The following POU2AF2 variants were observed in gnomAD, a reference collection of about 807,000 sequenced individuals.
POU2AF2 encodes POU class 2 homeobox associating factor 2.
At chr11:111,283,383 TC>T in the POU2AF2 span, among the ~76,000 whole-genome samples, 1 of 151,602 alleles carries the variant, frequency 6.6e-6, no homozygotes, top group African/African-American at 2.4e-5. Flanking sequence ...GGCACTGTCT[TC>T]CTAAACGTGC....
At chr11:111,281,530 C>T in the POU2AF2 span, 12 of 1,348,796 alleles carry the variant, frequency 8.9e-6, no homozygotes, top group African/African-American at 5.9e-5. Flanking sequence ...CCTTACAACA[C>T]TTCCAAAACT....
At chr11:111,246,177 T>C in the POU2AF2 span, among the ~76,000 whole-genome samples, 1 of 152,236 alleles carries the variant, frequency 6.6e-6, no homozygotes, top group Non-Finnish European at 1.5e-5. Context: ...CAAAGCCTTC[T>C]TTTCCAATAT....
At chr11:111,255,558 G>A in the POU2AF2 span, among the ~76,000 whole-genome samples, 1 of 152,168 alleles carries the variant, frequency 6.6e-6, no homozygotes, top group Non-Finnish European at 1.5e-5. Context: ...CTCCCATCAG[G>A]TATAATAGGG....
At chr11:111,276,453 A>AAAAAAAAAAAAAAAAAAAAAT in the POU2AF2 span, among the ~76,000 whole-genome samples, 2 of 37,674 alleles carry the variant, frequency 5.3e-5, no homozygotes, top group African/African-American at 1.9e-4. Context: ...AAAAAAAAAA[A>AAAAAAAAAAAAAAAAAAAAAT]ATATATATAT....
the POU2AF2 span, among the ~76,000 whole-genome samples, chr11:111,272,164 T>G: frequency 1.3e-5 from 2 of 152,312 alleles, no homozygotes; most frequent in South Asian, 4.1e-4. Flanking sequence ...CCAGCAACAA[T>G]AGCCCTTAAA....
At chr11:111,267,634 T>G in the POU2AF2 span, among the ~76,000 whole-genome samples, 1 of 152,302 alleles carries the variant, frequency 6.6e-6, no homozygotes, top group East Asian at 1.9e-4. Context: ...ATCAGCCCCC[T>G]TTCGAGGGCT....
At chr11:111,258,130 T>C in the POU2AF2 span, among the ~76,000 whole-genome samples, 386 of 152,026 alleles carry the variant, frequency 2.5e-3, 3 homozygotes, top group Non-Finnish European at 2.7e-3. Context: ...AAAATAGTAA[T>C]AATAATAAAA....
the POU2AF2 span, among the ~76,000 whole-genome samples, chr11:111,256,813 G>A: frequency 6.6e-6 from 1 of 152,150 alleles, no homozygotes; most frequent in Non-Finnish European, 1.5e-5. Context: ...GGCTTGGTTG[G>A]TGGGAATAAT....
chr11:111,285,938 G>A, the POU2AF2 span: 2 of 1,613,988 alleles, frequency 1.2e-6, no homozygotes, highest in African/African-American at 2.7e-5. Context: ...GCCCAAGGTG[G>A]GGCCACTCTC....
the POU2AF2 span, among the ~76,000 whole-genome samples, chr11:111,281,789 G>A: frequency 0.017 from 2,606 of 152,294 alleles, 65 homozygotes; most frequent in African/African-American, 0.058. Context: ...AGCAGAGGGA[G>A]TCAGGCATTT....
chr11:111,269,627 G>A, the POU2AF2 span, among the ~76,000 whole-genome samples: 3 of 152,066 alleles, frequency 2.0e-5, no homozygotes, highest in Non-Finnish European at 4.4e-5. Context: ...AAGTCCATCT[G>A]GCAGGGATGT....
At chr11:111,275,015 G>C in the POU2AF2 span, among the ~76,000 whole-genome samples, 9 of 152,254 alleles carry the variant, frequency 5.9e-5, no homozygotes, top group East Asian at 1.7e-3. Context: ...ATATAACACA[G>C]TTGACCATAG....
the POU2AF2 span, among the ~76,000 whole-genome samples, chr11:111,267,367 G>A: frequency 7.9e-5 from 12 of 152,086 alleles, no homozygotes; most frequent in Non-Finnish European, 1.5e-4. Flanking sequence ...AGAGGAAATC[G>A]CTTCCTGAAC....
At chr11:111,247,375 A>G in the POU2AF2 span, among the ~76,000 whole-genome samples, 3 of 152,222 alleles carry the variant, frequency 2.0e-5, no homozygotes, top group Non-Finnish European at 4.4e-5. Context: ...CTATGAAGGT[A>G]CATTGGGAGG....
At chr11:111,250,795 C>T in the POU2AF2 span, among the ~76,000 whole-genome samples, 1 of 152,100 alleles carries the variant, frequency 6.6e-6, no homozygotes, top group African/African-American at 2.4e-5. Flanking sequence ...ATCATTTAGC[C>T]ATGTGGATAA....
At chr11:111,276,453 A>AAAAAT in the POU2AF2 span, among the ~76,000 whole-genome samples, 8 of 37,660 alleles carry the variant, frequency 2.1e-4, no homozygotes, top group East Asian at 1.2e-3. Flanking sequence ...AAAAAAAAAA[A>AAAAAT]ATATATATAT....
chr11:111,281,720 C>A, the POU2AF2 span, among the ~76,000 whole-genome samples: 2 of 152,200 alleles, frequency 1.3e-5, no homozygotes, highest in Admixed American at 6.5e-5. Context: ...AAAGTTCTGA[C>A]ACCATGATCT....
At chr11:111,281,086 T>C in the POU2AF2 span, among the ~76,000 whole-genome samples, 4 of 152,294 alleles carry the variant, frequency 2.6e-5, no homozygotes, top group Non-Finnish European at 4.4e-5. Context: ...GTATATATAG[T>C]CACTTAATAT....
the POU2AF2 span, among the ~76,000 whole-genome samples, chr11:111,280,057 A>AAAAATATAT: frequency 3.6e-3 from 273 of 76,406 alleles, 5 homozygotes; most frequent in African/African-American, 0.013. Context: ...AAAAAAAAAA[A>AAAAATATAT]ATATATATAT....
Sources: gnomAD v4.1 joint callset for allele counts (sites outside exome capture counted in the v4.1 genomes callset) on GRCh38, gnomAD v4.1.1 for gene constraint, MANE v1.5 for transcripts, NCBI Gene and HGNC (gene_info 2026-07-23, HGNC 2026-07-21) for gene names.